The following CSF2RB variants were observed in gnomAD, a reference collection of about 807,000 sequenced individuals.
CSF2RB encodes the protein colony stimulating factor 2 receptor subunit beta, also known as cytokine receptor common subunit beta.
A neutral mutation model predicts 67.2 loss-of-function variants in CSF2RB; 22 were observed. That is an observed-to-expected ratio of 0.33 (90% CI 0.23 to 0.47). The LOEUF (loss-of-function observed/expected upper bound fraction) is 0.47. Ranked by LOEUF, CSF2RB falls within the 20% of genes least tolerant of loss-of-function variation. CSF2RB has a pLI of 1.00. For missense variants in CSF2RB, 1,113 were observed against 1,174.5 expected, an observed-to-expected ratio of 0.95 and a Z score of 0.76; for synonymous variants, 507 against 482.9, an observed-to-expected ratio of 1.05 and a Z score of -0.65.
chr22:36,917,894 G>A lies in CSF2RB; in HGVS notation c.-172-4142G>A, dbSNP rs553897929. 3.3e-5 allele frequency among the ~76,000 whole-genome samples: 5 copies of A among 151,966 alleles called. No individual in the cohort carries two copies. The East Asian group carries it at 9.7e-4, about 29-fold the overall frequency. On this transcript the variant is annotated intron_variant, in intron 1 of 13. Coordinates refer to ENST00000403662, the MANE Select transcript of CSF2RB (RefSeq NM_000395.3). ...GCCGAGATCATGCCATTGCACTCCA[G>A]CCTGGGTGATGGGGTGAGATTCTGT...
At chr22:36,932,346 A>T (rs111443355) in intron 8 of CSF2RB, among the ~76,000 whole-genome samples, 3,986 of 151,690 alleles carry the variant, frequency 0.026, 173 homozygotes, top group African/African-American at 0.09. Context: ...GAGGCAGGAG[A>T]ATCACTTGAA....
In CSF2RB at chr22:36,925,573, ACT is replaced by A. The variant is rs556267806; in HGVS notation, c.201-411_201-410del. On this transcript the variant is annotated intron_variant, in intron 3 of 13. Transcript: ENST00000403662. ...TAGGCCAAGCCACGCAGCACACCAA[ACT>A]CTGCCTGTCCCAGGGCCTTTGCACG... 5.4e-3 allele frequency among the ~76,000 whole-genome samples: 816 copies of A among 151,644 alleles called. 5 individuals carry two copies. The highest frequency in any genetic ancestry group is 0.019 in the African/African-American group (783 of 41,288).
intron 9 of CSF2RB, 145 bp from the exon 10 acceptor site, chr22:36,933,687 A>T (rs1569137661): frequency 5.4e-6 from 6 of 1,110,312 alleles, no homozygotes; most frequent in Middle Eastern, 2.9e-4. Flanking sequence ...CTCAGGGAGG[A>T]TCCACGGTGG....
At chr22:36,934,802 C>T (rs1045494401) in intron 10 of CSF2RB, among the ~76,000 whole-genome samples, 2 of 152,012 alleles carry the variant, frequency 1.3e-5, no homozygotes, top group South Asian at 4.1e-4. Context: ...GCGGCAGGGG[C>T]CCAGGGAGAG....
In CSF2RB at chr22:36,937,437, G is replaced by A; in HGVS notation, c.1629G>A (p.Lys543=). ...CACCTCTCACCATAGAGGACCCCAA[G>A]CATGTCTGTGATCCACCATCTGGGC... ...EVSPLTIEDP[K]HVCDPPSGPD... The change falls in exon 14 of 14, where the codon AAG becomes AAA. Residue 543 remains lysine, a synonymous_variant. Transcript: ENST00000403662. This position sits in a 1 kb window ranked among gnomAD's most constrained non-coding sequence, Gnocchi z 4.6. 1 of 1,614,052 alleles carries A rather than the reference G, an allele frequency of 6.2e-7. No homozygotes were observed. Among genetic ancestry groups the A allele is most frequent in the Non-Finnish European group, 8.5e-7 (1 of 1,179,984 alleles).
rs370206576 is a variant in CSF2RB at position 36,938,274 on chromosome 22, T to C, written c.2466T>C (p.Tyr822=). The change falls in exon 14 of 14, where the codon TAT becomes TAC. Residue 822 remains tyrosine, a synonymous_variant. Transcript: ENST00000403662. ...GLLVLQQVGD[Y]CFLPGLGPGP... The stretch of plus-strand genomic sequence containing the variant: ...TTGTCCTGCAGCAAGTGGGCGACTA[T>C]TGCTTCCTCCCCGGCCTGGGGCCCG... 6.2e-7 allele frequency: 1 copy of C among 1,614,150 alleles called. No individual in the cohort carries two copies. Among genetic ancestry groups the C allele is most frequent in the Non-Finnish European group, 8.5e-7 (1 of 1,179,998 alleles).
chr22:36,936,373 C>A (rs996491831), intron 12 of CSF2RB, among the ~76,000 whole-genome samples, 176 bp from the exon 13 acceptor site: 1 of 152,154 alleles, frequency 6.6e-6, no homozygotes, highest in African/African-American at 2.4e-5. Flanking sequence ...GAAGTCCCCG[C>A]CCCTCTCTGG....
chr22:36,929,677 C>A lies in CSF2RB; in HGVS notation c.588C>A (p.Thr196=). ...TCCTCTCCAACACCTCCCAGGCCAC[C>A]CTGGGGCCAGAGCACCTCATGCCCA... ...AILLSNTSQA[T]LGPEHLMPSS... is the part of the protein sequence containing the mutation. Residue 196 remains threonine, a synonymous_variant, in exon 6 of 14, where the codon ACC becomes ACA. Coordinates refer to ENST00000403662, the MANE Select transcript of CSF2RB (RefSeq NM_000395.3). The A allele has an allele frequency of 6.2e-7, 1 of 1,614,206 alleles. No homozygotes were observed. The highest frequency in any genetic ancestry group is 8.5e-7 in the Non-Finnish European group (1 of 1,180,028).
At chr22:36,935,761 C>T (rs1279950644) in intron 12 of CSF2RB, 74 bp downstream of exon 12, 1 of 1,498,562 alleles carries the variant, frequency 6.7e-7, no homozygotes, top group Non-Finnish European at 9.1e-7. Flanking sequence ...CCCACCTCCT[C>T]CTTCCCTTCC....
Position 36,923,267 on chromosome 22 carries a change from C to A in CSF2RB, c.100C>A (p.Arg34Ser). 6.2e-7 allele frequency: 1 copy of A among 1,614,160 alleles called. No individual in the cohort carries two copies. The highest frequency in any genetic ancestry group is 8.5e-7 in the Non-Finnish European group (1 of 1,180,010). The change falls in exon 3 of 14, where the codon CGC (arginine) becomes AGC (serine). Residue 34 changes from arginine (R) to serine (S), a missense_variant. Arg to Ser is a moderately radical substitution (Grantham distance 110, BLOSUM62 -1). Around this residue, in one of 2 missense-constraint regions of CSF2RB, gnomAD observed 559 missense variants for 656.5 expected, o/e 0.85. Coordinates refer to ENST00000403662, the MANE Select transcript of CSF2RB (RefSeq NM_000395.3). ...AGAAACCATCCCGCTGCAGACCCTGCGCTGCTACAACGACTACACCAGCCA... is the reference window on the plus strand; with the variant it reads ...AGAAACCATCCCGCTGCAGACCCTGAGCTGCTACAACGACTACACCAGCCA... ...AEETIPLQTL[R>S]CYNDYTSHIT... is the part of the protein sequence containing the mutation.
At position 36,939,731 on chromosome 22, in the gene CSF2RB, A is replaced by G. The variant is rs131842; in HGVS notation, c.*1229A>G. 0.31 allele frequency: 49,591 copies of G among 160,010 alleles called. 11,752 individuals are homozygous for G. Among genetic ancestry groups the G allele is most frequent in the African/African-American group, 0.68 (28,125 of 41,568 alleles). 9.9% of individuals were successfully genotyped at this position (160,010 alleles called of 1,614,324 possible). On this transcript the variant is annotated 3_prime_UTR_variant, in exon 14 of 14. Transcript: ENST00000403662. ...TGACTATTGACATACAGTCTTTCAC[A>G]GATGGTGGAGTGTTTTTCCCCCAAA...
At chr22:36,928,941 T>A (rs1434433288) in intron 4 of CSF2RB, among the ~76,000 whole-genome samples, 5 of 152,136 alleles carry the variant, frequency 3.3e-5, no homozygotes, top group Non-Finnish European at 7.4e-5. Context: ...CGCCTGGAGA[T>A]GCAGATCCGA....
intron 4 of CSF2RB, among the ~76,000 whole-genome samples, chr22:36,929,039 G>T (rs908260656): frequency 2.0e-5 from 3 of 152,216 alleles, no homozygotes; most frequent in African/African-American, 7.2e-5. Flanking sequence ...GACAGCAGGA[G>T]GGGGGAGGCC....
At position 36,929,571 on chromosome 22, in the gene CSF2RB, G is replaced by A. The variant is rs529939805; in HGVS notation, c.549+12G>A. On this transcript the variant is annotated intron_variant, in intron 5 of 13. Coordinates refer to ENST00000403662, the MANE Select transcript of CSF2RB (RefSeq NM_000395.3). Reference sequence around the variant, plus strand: ...AGGACTCTTGGGAGGTAGGAACCACGGCCAGCTCTGCCCCAGCCCGAAGGG... The same window carrying A: ...AGGACTCTTGGGAGGTAGGAACCACAGCCAGCTCTGCCCCAGCCCGAAGGG... 40 of 1,614,112 alleles carry A rather than the reference G, an allele frequency of 2.5e-5. No homozygotes were observed. In the African/African-American group the frequency reaches 2.5e-4, roughly 10 times the overall value.
intron 10 of CSF2RB, among the ~76,000 whole-genome samples, chr22:36,934,402 A>G (rs1169038915): frequency 1.3e-5 from 2 of 152,172 alleles, no homozygotes; most frequent in Non-Finnish European, 2.9e-5. Flanking sequence ...TTCAGTACAG[A>G]CTGCAAGTGA....
Position 36,932,857 on chromosome 22 carries a change from G to A in CSF2RB, c.1105G>A (p.Asp369Asn). Residue 369 changes from aspartate to asparagine, a missense_variant, in exon 9 of 14, where the codon GAC becomes AAC. This residue lies in a region of CSF2RB where 559 missense variants were observed against 656.5 expected (regional missense o/e 0.85). Coordinates refer to ENST00000403662, the MANE Select transcript of CSF2RB (RefSeq NM_000395.3). The stretch of plus-strand genomic sequence containing the variant: ...AATGAAAATGCGATACGAACACATA[G>A]ACCACACATTTGAGATCCAGTACAG... ...ETMKMRYEHI[D>N]HTFEIQYRKD... is the part of the protein sequence containing the mutation. The A allele has an allele frequency of 1.2e-6, 2 of 1,614,138 alleles. No individual in the cohort carries two copies. The highest frequency in any genetic ancestry group is 1.7e-6 in the Non-Finnish European group (2 of 1,180,026).
At chr22:36,931,934 G>C (rs1436395843) in intron 8 of CSF2RB, among the ~76,000 whole-genome samples, 2 of 152,178 alleles carry the variant, frequency 1.3e-5, no homozygotes, top group African/African-American at 4.8e-5. Flanking sequence ...CTCTGAGAGT[G>C]TCAGACAAGA....
chr22:36,937,734 G>T lies in CSF2RB; in HGVS notation c.1926G>T (p.Leu642=). 1.9e-6 allele frequency: 3 copies of T among 1,561,318 alleles called. No individual in the cohort carries two copies. The highest frequency in any genetic ancestry group is 2.6e-6 in the Non-Finnish European group (3 of 1,152,386). The change falls in exon 14 of 14, where the codon CTG becomes CTT. Residue 642 remains leucine, a synonymous_variant. Coordinates refer to ENST00000403662, the MANE Select transcript of CSF2RB (RefSeq NM_000395.3). This position sits in a 1 kb window ranked among gnomAD's most constrained non-coding sequence, Gnocchi z 4.6. ...GGGGGCAGGTGCAACTGGTCCCTCT[G>T]GCCCAGGCGATGGGACCAGGACAGG... ...PAGGQVQLVP[L]AQAMGPGQAV...
At chr22:36,921,165 G>C (rs996128525) in intron 1 of CSF2RB, among the ~76,000 whole-genome samples, 1 of 151,294 alleles carries the variant, frequency 6.6e-6, no homozygotes, top group Admixed American at 6.6e-5. Flanking sequence ...GTGCATGTTT[G>C]TGTGTATATG....
Sources: gnomAD v4.1 joint callset for allele counts (sites outside exome capture counted in the v4.1 genomes callset) on GRCh38, gnomAD v4.1.1 for gene constraint, gnomAD v4.1.1 regional missense constraint, Gnocchi (gnomAD v3.1) non-coding constraint, MANE v1.5 for transcripts, NCBI Gene and HGNC (gene_info 2026-07-23, HGNC 2026-07-21) for gene names.